The following OTULIN variants were observed in gnomAD, a reference collection of about 807,000 sequenced individuals.
The protein encoded by OTULIN is OTU deubiquitinase with linear linkage specificity.
Under a neutral mutation model 39.6 loss-of-function variants are expected in OTULIN, and 15 were observed. The ratio of observed to expected loss-of-function variants is 0.38; its 90% CI spans 0.25 to 0.58. OTULIN has a LOEUF of 0.58. Among genes scored for constraint, OTULIN ranks in the 20% least tolerant of loss-of-function variants. The probability of loss-of-function intolerance (pLI) is 0.66; values close to 1 mark genes in which losing one functional copy is unlikely to be tolerated. For missense variants in OTULIN, 319 were observed against 445.9 expected (o/e 0.72, Z 2.56); for synonymous variants, 156 against 170.3 (o/e 0.92, Z 0.65).
chr5:14,701,920 C>T (rs1736803393), downstream of OTULIN, among the ~76,000 whole-genome samples: 1 of 152,188 alleles, frequency 6.6e-6, no homozygotes, highest in Admixed American at 6.5e-5. Flanking sequence ...AGAACCATAT[C>T]CCAGGCTGCT....
In OTULIN at chr5:14,699,627, CAAG is replaced by C. The variant is rs1456676322; in HGVS notation, c.*6582_*6584del. 6.6e-6 allele frequency: 1 copy of C among 152,224 alleles called. No individual in the cohort carries two copies. 9.4% of individuals were successfully genotyped at this position (152,224 alleles called of 1,614,324 possible). ...TCCTTTTCCACCGCCTTTTCCCACT[CAAG>C]AAAGTGGAGAGAAAAACAGGGATGC... On this transcript the variant is annotated 3_prime_UTR_variant, in exon 7 of 7. Transcript: ENST00000284274.
intron 6 of OTULIN, among the ~76,000 whole-genome samples, chr5:14,691,662 C>T (rs1736531330): frequency 6.7e-6 from 1 of 149,458 alleles, no homozygotes; most frequent in Admixed American, 6.7e-5. Flanking sequence ...CCATAAAGTT[C>T]ACTCTTTTAA....
chr5:14,679,159 A>G (rs2126306781), intron 3 of OTULIN, among the ~76,000 whole-genome samples: 1 of 152,054 alleles, frequency 6.6e-6, no homozygotes, highest in South Asian at 2.1e-4. Context: ...CAGCACATTG[A>G]GTTTGCTTAC....
the OTULIN span, chr5:14,713,689 T>A: frequency 6.2e-7 from 1 of 1,612,798 alleles, no homozygotes; most frequent in Non-Finnish European, 8.5e-7. The surrounding 1 kb of genome is among the most constrained non-coding windows in gnomAD (Gnocchi z 4.4). Context: ...AGCAAAGGAC[T>A]CGTCAGCCGT....
intron 1 of OTULIN, among the ~76,000 whole-genome samples, chr5:14,665,351 G>A (rs1328515079): frequency 6.6e-6 from 1 of 152,172 alleles, no homozygotes; most frequent in East Asian, 1.9e-4. Context: ...CGACCCTGCT[G>A]CAGCCGCCGG....
At chr5:14,705,298 T>C in the OTULIN span, 8 of 151,818 alleles carry the variant, frequency 5.3e-5, no homozygotes, top group Admixed American at 6.6e-5. Flanking sequence ...AAAAAAAAAA[T>C]CTAGATCACT....
At chr5:14,680,849 A>G (rs1160660746) in intron 3 of OTULIN, among the ~76,000 whole-genome samples, 1 of 152,226 alleles carries the variant, frequency 6.6e-6, no homozygotes, top group Non-Finnish European at 1.5e-5. Flanking sequence ...ATCTGAGGTC[A>G]GGAGTTCAAG....
Position 14,693,070 on chromosome 5 carries a change from C to G in OTULIN, c.*22C>G. ...ATGAGAGACGCATGCTCCTGACAGCCTGGCGACGTGGCGAAGATGCACAGG... is the reference window on the plus strand; with the variant it reads ...ATGAGAGACGCATGCTCCTGACAGCGTGGCGACGTGGCGAAGATGCACAGG... On this transcript the variant is annotated 3_prime_UTR_variant, in exon 7 of 7. Coordinates refer to ENST00000284274, the MANE Select transcript of OTULIN (RefSeq NM_138348.6). 1 of 1,578,082 alleles carries G rather than the reference C, an allele frequency of 6.3e-7. No homozygotes were observed. Among genetic ancestry groups the G allele is most frequent in the Non-Finnish European group, 8.6e-7 (1 of 1,157,854 alleles).
At chr5:14,687,957 A>T (rs1035793373) in intron 5 of OTULIN, 6 of 180,916 alleles carry the variant, frequency 3.3e-5, no homozygotes, top group Non-Finnish European at 6.8e-5. Flanking sequence ...CAAGAATATA[A>T]TTTGGTTCCT....
intron 1 of OTULIN, among the ~76,000 whole-genome samples, chr5:14,667,337 G>T (rs999453550): frequency 6.6e-6 from 1 of 152,210 alleles, no homozygotes; most frequent in African/African-American, 2.4e-5. Flanking sequence ...CGTGAGAGAA[G>T]TGGGGGAAAA....
chr5:14,714,853 C>T, the OTULIN span, among the ~76,000 whole-genome samples: 1 of 152,224 alleles, frequency 6.6e-6, no homozygotes, highest in Admixed American at 6.5e-5. Flanking sequence ...TCAGCTATAG[C>T]CTGCTCCCAG....
At position 14,697,104 on chromosome 5, in the gene OTULIN, C is replaced by G. The variant is rs1370316938; in HGVS notation, c.*4056C>G. 6.6e-6 allele frequency: 1 copy of G among 152,186 alleles called. No homozygotes were observed. The highest frequency in any genetic ancestry group is 2.4e-5 in the African/African-American group (1 of 41,394). The allele number at this position is 152,186 out of a possible 1,614,324, so 9.4% of individuals were successfully genotyped here. A position where few individuals can be genotyped will look rare whatever the true frequency, so the allele number is the denominator to read the frequency against. The stretch of plus-strand genomic sequence containing the variant: ...GTGTTGGTCTGCAGTCACAGCATAC[C>G]TTTATGTGCATGTGTCCTCGCAGCT... On this transcript the variant is annotated 3_prime_UTR_variant, in exon 7 of 7. Coordinates refer to ENST00000284274, the MANE Select transcript of OTULIN (RefSeq NM_138348.6).
intron 2 of OTULIN, among the ~76,000 whole-genome samples, chr5:14,678,467 G>A (rs1736160862): frequency 6.6e-6 from 1 of 152,230 alleles, no homozygotes; most frequent in Non-Finnish European, 1.5e-5. Flanking sequence ...GGTCTGGAGA[G>A]TGTGGTGACA....
chr5:14,711,564 C>T, the OTULIN span, among the ~76,000 whole-genome samples: 32 of 152,324 alleles, frequency 2.1e-4, no homozygotes, highest in East Asian at 1.4e-3. Context: ...CCCACTGCCC[C>T]GCCCCAGACA....
the OTULIN span, among the ~76,000 whole-genome samples, chr5:14,716,338 C>A: frequency 2.6e-5 from 4 of 152,072 alleles, no homozygotes. Context: ...ACTAAAAATA[C>A]AAAAATTAGT....
chr5:14,701,425 A>G (rs552939465), downstream of OTULIN, among the ~76,000 whole-genome samples: 5 of 152,122 alleles, frequency 3.3e-5, no homozygotes, highest in African/African-American at 1.2e-4. Flanking sequence ...TGCCCTGTCA[A>G]ACTCGGGATT....
chr5:14,691,317 A>G (rs1372753241), intron 6 of OTULIN, among the ~76,000 whole-genome samples: 5 of 152,204 alleles, frequency 3.3e-5, no homozygotes, highest in Admixed American at 6.5e-5. Context: ...TAGAGAGCTG[A>G]GTTAGTTTCC....
At chr5:14,707,932 A>G in the OTULIN span, 5 of 152,172 alleles carry the variant, frequency 3.3e-5, no homozygotes, top group Non-Finnish European at 7.4e-5. Flanking sequence ...TTACCCAGAA[A>G]TGCAAACAAG....
the OTULIN span, chr5:14,712,923 C>T: frequency 1.2e-6 from 2 of 1,613,610 alleles, no homozygotes; most frequent in Non-Finnish European, 1.7e-6. Flanking sequence ...GGTGGATTCT[C>T]CCACAAAGCC....
Sources: allele counts gnomAD v4.1 joint callset (sites outside exome capture counted in the v4.1 genomes callset), GRCh38; gene constraint gnomAD v4.1.1; non-coding constraint Gnocchi (gnomAD v3.1); transcripts MANE v1.5; gene names NCBI Gene and HGNC (gene_info 2026-07-23, HGNC 2026-07-21).